SMARCA2: variants seen among roughly 807,000 people sequenced by gnomAD.
SMARCA2 encodes SWI/SNF related BAF chromatin remodeling complex subunit ATPase 2.
In SMARCA2, 61 loss-of-function variants were observed where a neutral mutation model predicts 199.8. The observed-to-expected ratio is 0.31, with a 90% CI of 0.25 to 0.38. The LOEUF (loss-of-function observed/expected upper bound fraction) is 0.38. Ranked by LOEUF, SMARCA2 falls within the 10% of genes least tolerant of loss-of-function variation. SMARCA2 has a pLI of 1.00. For missense variants in SMARCA2, 1,344 were observed against 2,012.2 expected (o/e 0.67, Z 6.35); for synonymous variants, 935 against 732.0 (o/e 1.28, Z -4.48).
At chr9:2,034,265 A>G (rs1035716681) in intron 3 of SMARCA2, among the ~76,000 whole-genome samples, 1 of 151,898 alleles carries the variant, frequency 6.6e-6, no homozygotes, top group Admixed American at 6.5e-5. Context: ...AAAAAAAAAA[A>G]ACTATTTCAA....
At chr9:2,190,903 AT>A (rs1827832939) in intron 32 of SMARCA2, among the ~76,000 whole-genome samples, 1 of 152,144 alleles carries the variant, frequency 6.6e-6, no homozygotes. Flanking sequence ...TATATTTTTA[AT>A]GTAAAAGTTC....
At chr9:2,175,886 G>GT (rs1826551794) in intron 29 of SMARCA2, among the ~76,000 whole-genome samples, 1 of 151,688 alleles carries the variant, frequency 6.6e-6, no homozygotes, top group South Asian at 2.1e-4. Context: ...TTGTTTGTTT[G>GT]TTTGTTTTTT....
chr9:2,088,290 G>C (rs1207728968), intron 18 of SMARCA2, among the ~76,000 whole-genome samples: 3 of 152,178 alleles, frequency 2.0e-5, no homozygotes. Flanking sequence ...TCAGCGTTAA[G>C]ACAAAGACAC....
rs115828582 is a variant in SMARCA2, at chr9:2,160,344, C to T, written c.3982-1342C>T. On this transcript the variant is annotated intron_variant, in intron 27 of 33. Coordinates refer to ENST00000349721, the MANE Select transcript of SMARCA2 (RefSeq NM_003070.5). ...TTATTAAGGCCTAGGCTCAGACTGTCCCTTAGGAATCTGTCTGTGTGCATG... is the reference window on the plus strand; with the variant it reads ...TTATTAAGGCCTAGGCTCAGACTGTTCCTTAGGAATCTGTCTGTGTGCATG... 426 of 494,118 alleles carry T rather than the reference C, an allele frequency of 8.6e-4. 3 individuals are homozygous for T. The highest frequency in any genetic ancestry group is 7.7e-3 in the African/African-American group (399 of 52,036). 30.6% of individuals were successfully genotyped at this position (494,118 alleles called of 1,614,324 possible).
At chr9:2,168,701 T>C in intron 28 of SMARCA2, among the ~76,000 whole-genome samples, 1 of 152,250 alleles carries the variant, frequency 6.6e-6, no homozygotes, top group East Asian at 1.9e-4. Flanking sequence ...TTAAACCAAA[T>C]CTATGTCATT....
intron 27 of SMARCA2, among the ~76,000 whole-genome samples, chr9:2,131,761 G>A (rs943954402): frequency 2.6e-5 from 4 of 152,032 alleles, no homozygotes; most frequent in South Asian, 4.1e-4. Context: ...CCAGCATGGC[G>A]AAACCCCGTC....
At chr9:2,097,165 A>G in intron 20 of SMARCA2, 3 of 516,022 alleles carry the variant, frequency 5.8e-6, no homozygotes, top group South Asian at 5.8e-5. Context: ...ATAATCCTTC[A>G]AGGTTCACTT....
At chr9:2,061,921 A>T (rs1820609623) in intron 9 of SMARCA2, among the ~76,000 whole-genome samples, 1 of 152,236 alleles carries the variant, frequency 6.6e-6, no homozygotes, top group Non-Finnish European at 1.5e-5. Flanking sequence ...CTTTAGTATA[A>T]GATAGCTTAC....
Position 2,039,380 on chromosome 9 carries a change from G to C in SMARCA2, c.356-86G>C, listed in dbSNP as rs1819477542. ...CAAATTTCTGTCAGACAGTGTTGCT[G>C]TGGACAATTATTAGAGTATTCAGGG... On this transcript the variant is annotated intron_variant, in intron 3 of 33. Coordinates refer to ENST00000349721, the MANE Select transcript of SMARCA2 (RefSeq NM_003070.5). The surrounding 1 kb of genome is among the most constrained non-coding windows in gnomAD (Gnocchi z 4.8). The C allele has an allele frequency of 7.7e-7, 1 of 1,298,378 alleles. No individual in the cohort carries two copies. Among genetic ancestry groups the C allele is most frequent in the African/African-American group, 1.5e-5 (1 of 67,386 alleles). The allele number at this position is 1,298,378 out of a possible 1,614,324, so 80.4% of individuals were successfully genotyped here.
chr9:2,070,513 A>G (rs1186379027), intron 10 of SMARCA2, 42 bp downstream of exon 10: 13 of 1,452,304 alleles, frequency 9.0e-6, no homozygotes, highest in Non-Finnish European at 1.3e-5. Flanking sequence ...TGCTGAATGG[A>G]GTCTGTGCCA....
Position 2,026,785 on chromosome 9 carries a change from C to G in SMARCA2, c.-36-2202C>G, listed in dbSNP as rs75929958. 7.7e-3 allele frequency among the ~76,000 whole-genome samples: 1,171 copies of G among 152,224 alleles called. 30 individuals carry two copies. The highest frequency in any genetic ancestry group is 0.027 in the African/African-American group (1,121 of 41,520). On this transcript the variant is annotated intron_variant, in intron 1 of 33. Transcript: ENST00000349721. Reference sequence around the variant, plus strand: ...ATTGTATCTTGTAGTAGCCCTGAATCGACGTCAGCTTCCTAAATTTAAAAT... The same window carrying G: ...ATTGTATCTTGTAGTAGCCCTGAATGGACGTCAGCTTCCTAAATTTAAAAT...
chr9:2,030,124 G>C (rs1433192438), intron 2 of SMARCA2, among the ~76,000 whole-genome samples: 1 of 152,146 alleles, frequency 6.6e-6, no homozygotes, highest in Admixed American at 6.5e-5. Flanking sequence ...AGGGTGGCAG[G>C]GCTGCTTCTT....
chr9:2,023,749 C>T (rs543326415), intron 1 of SMARCA2, among the ~76,000 whole-genome samples: 1 of 152,304 alleles, frequency 6.6e-6, no homozygotes, highest in South Asian at 2.1e-4. Context: ...TTAAGAATAA[C>T]AGTGCTTGAG....
rs374153270 is a variant in SMARCA2 at position 2,125,247 on chromosome 9, G to A, written c.3981+1310G>A. ...TGGTTGAACCGTTGTGTATAAAATA[G>A]AACATTTGTGTGATTAGTTTGTCGT... On this transcript the variant is annotated intron_variant, in intron 27 of 33. Coordinates refer to ENST00000349721, the MANE Select transcript of SMARCA2 (RefSeq NM_003070.5). 5.3e-5 allele frequency among the ~76,000 whole-genome samples: 8 copies of A among 152,206 alleles called. No homozygotes were observed. The East Asian group carries it at 5.8e-4, about 11-fold the overall frequency.
At chr9:2,065,475 C>T (rs559040060) in intron 9 of SMARCA2, among the ~76,000 whole-genome samples, 23 of 152,220 alleles carry the variant, frequency 1.5e-4, no homozygotes, top group African/African-American at 4.8e-4. Flanking sequence ...CCTTACCAAC[C>T]GCTATTATAA....
chr9:2,027,882 C>G (rs925695436), intron 1 of SMARCA2: 2 of 152,180 alleles, frequency 1.3e-5, no homozygotes, highest in Admixed American at 6.5e-5. Context: ...TAATATAGAA[C>G]AATTACTGTT....
chr9:2,058,543 G>A, intron 8 of SMARCA2, 79 bp downstream of exon 8: 2 of 1,212,096 alleles, frequency 1.7e-6, no homozygotes, highest in Admixed American at 2.3e-5. Context: ...TATGGTGGTA[G>A]TAGAAGGAAA....
At chr9:2,070,823 C>T (rs1821057313) in intron 10 of SMARCA2, among the ~76,000 whole-genome samples, 2 of 152,210 alleles carry the variant, frequency 1.3e-5, no homozygotes, top group South Asian at 4.1e-4. Context: ...TAAAATATGA[C>T]ACAGTTTCTC....
At chr9:2,186,290 A>C (rs537024575) in intron 32 of SMARCA2, 62 bp downstream of exon 32, 96 of 1,505,576 alleles carry the variant, frequency 6.4e-5, no homozygotes, top group Non-Finnish European at 8.4e-5. Flanking sequence ...AGCTGTCTCC[A>C]CAGATGTTCA....
Sources: gnomAD v4.1 joint callset for allele counts (sites outside exome capture counted in the v4.1 genomes callset) on GRCh38, gnomAD v4.1.1 for gene constraint, Gnocchi (gnomAD v3.1) non-coding constraint, MANE v1.5 for transcripts, NCBI Gene and HGNC (gene_info 2026-07-23, HGNC 2026-07-21) for gene names.